Variants in AGBL1 observed in about 807,000 individuals in gnomAD.
The protein encoded by AGBL1 is AGBL carboxypeptidase 1.
In AGBL1, 130 loss-of-function variants were observed where a neutral mutation model predicts 118.9. The ratio of observed to expected loss-of-function variants is 1.09; its 90% CI spans 0.95 to 1.26. The LOEUF is 1.26. AGBL1 is among the 50% of genes most tolerant of loss of function. AGBL1 has a pLI of 0.00. For missense variants in AGBL1, 1,584 were observed against 1,298.1 expected (o/e 1.22, Z -3.38); for synonymous variants, 555 against 478.9 (o/e 1.16, Z -2.08).
chr15:86,648,404 C>G lies in AGBL1; in HGVS notation c.2995-25869C>G, dbSNP rs1034399983. Among the ~76,000 whole-genome samples the G allele has an allele frequency of 2.0e-5, 3 of 152,216 alleles. No individual in the cohort carries two copies. The East Asian group carries it at 5.8e-4, about 29-fold the overall frequency. ...TAGAGGTGGTGGGTGGGAGAAAAAT[C>G]AAGAATAATGGAGTGCTCTCAGGTT... On this transcript the variant is annotated intron_variant, in intron 21 of 22. Transcript: ENST00000614907.
intron 7 of AGBL1, among the ~76,000 whole-genome samples, chr15:86,255,361 T>G (rs1039807282): frequency 6.6e-6 from 1 of 152,246 alleles, no homozygotes; most frequent in Non-Finnish European, 1.5e-5. Context: ...TAATTCATTT[T>G]CCACCAAGAG....
rs373358563 is a variant in AGBL1 at position 86,711,341 on chromosome 15, T to G, written c.3158+36905T>G. On this transcript the variant is annotated intron_variant, in intron 22 of 22. Transcript: ENST00000614907. Reference sequence around the variant, plus strand: ...TGAAAGCCTTTTGGTAAATGAGTTCTGCAGTACTTTGAACCTCTCTGTGGC... The same window carrying G: ...TGAAAGCCTTTTGGTAAATGAGTTCGGCAGTACTTTGAACCTCTCTGTGGC... Among the ~76,000 whole-genome samples, 11 of 152,344 alleles carry G rather than the reference T, an allele frequency of 7.2e-5. No homozygotes were observed. The East Asian group carries it at 2.1e-3, about 29-fold the overall frequency.
intron 21 of AGBL1, among the ~76,000 whole-genome samples, chr15:86,626,644 A>T (rs2084890739): frequency 6.6e-6 from 1 of 152,152 alleles, no homozygotes. Context: ...CATACCCCTG[A>T]ACTTAAAACT....
rs538425006 is a variant in AGBL1, at chr15:86,843,533, G to C, written c.3159-63554G>C. Among the ~76,000 whole-genome samples the C allele has an allele frequency of 3.3e-5, 5 of 152,000 alleles. No individual in the cohort carries two copies. In the East Asian group the frequency reaches 9.7e-4, roughly 29 times the overall value. On this transcript the variant is annotated intron_variant, in intron 22 of 22. Coordinates refer to ENST00000614907, the MANE Select transcript of AGBL1 (RefSeq NM_001386094.1). ...AGACCCCGTTTTTTTTTGTTTGTAT[G>C]TTTGGTCCTTTTTATGAAGTTATCC...
At chr15:86,936,307 G>GA (rs909728253) in intron 23 of AGBL1, among the ~76,000 whole-genome samples, 9 of 151,500 alleles carry the variant, frequency 5.9e-5, no homozygotes, top group East Asian at 3.9e-4. Flanking sequence ...AGATAAACAA[G>GA]AAAAAAAACA....
intron 7 of AGBL1, among the ~76,000 whole-genome samples, chr15:86,249,793 G>A (rs1438793386): frequency 6.6e-6 from 1 of 152,192 alleles, no homozygotes; most frequent in Admixed American, 6.5e-5. Flanking sequence ...GACCAATAAA[G>A]GAAGAAGACA....
chr15:87,029,732 C>CT (rs1237438674), downstream of AGBL1, among the ~76,000 whole-genome samples: 1 of 151,728 alleles, frequency 6.6e-6, no homozygotes, highest in Non-Finnish European at 1.5e-5. Context: ...AGAATATAAT[C>CT]TTTTCCTTCA....
intron 1 of AGBL1, among the ~76,000 whole-genome samples, chr15:86,090,526 T>C (rs1895952538): frequency 6.6e-6 from 1 of 152,170 alleles, no homozygotes; most frequent in African/African-American, 2.4e-5. Flanking sequence ...CATACCAATG[T>C]ACTTGAACAT....
At chr15:87,011,515 C>T (rs181163051) in intron 24 of AGBL1, among the ~76,000 whole-genome samples, 3 of 152,336 alleles carry the variant, frequency 2.0e-5, no homozygotes, top group Admixed American at 1.3e-4. Flanking sequence ...TTCTGTATGT[C>T]ACCAAAATAT....
intron 22 of AGBL1, among the ~76,000 whole-genome samples, chr15:86,896,893 A>G (rs1241335595): frequency 7.9e-5 from 12 of 152,170 alleles, no homozygotes; most frequent in Non-Finnish European, 5.9e-5. Flanking sequence ...GATCTTCACT[A>G]TATCAATCTT....
intron 22 of AGBL1, among the ~76,000 whole-genome samples, chr15:86,686,902 C>A (rs2086067767): frequency 2.6e-5 from 4 of 152,094 alleles, no homozygotes; most frequent in Non-Finnish European, 5.9e-5. Flanking sequence ...TTGCCTAAGC[C>A]CACACAGCTA....
intron 10 of AGBL1, 136 bp downstream of exon 10, chr15:86,263,030 GA>G: frequency 7.4e-6 from 5 of 677,138 alleles, no homozygotes; most frequent in Non-Finnish European, 1.3e-5. Context: ...CTTCCTTAGA[GA>G]AAAGCAGAAT....
intron 22 of AGBL1, among the ~76,000 whole-genome samples, chr15:86,849,412 C>T (rs1303956471): frequency 6.6e-6 from 1 of 151,898 alleles, no homozygotes; most frequent in Admixed American, 6.6e-5. Flanking sequence ...CAGCATGGGG[C>T]TAAATAATTC....
intron 22 of AGBL1, among the ~76,000 whole-genome samples, chr15:86,865,292 G>A (rs187976047): frequency 1.4e-4 from 22 of 152,322 alleles, no homozygotes; most frequent in Admixed American, 2.6e-4. Context: ...AAAAATCAAA[G>A]AGGTTATTTG....
At position 86,503,947 on chromosome 15, in the gene AGBL1, A is replaced by T. The variant is rs1010185067; in HGVS notation, c.2556-18863A>T. Among the ~76,000 whole-genome samples, 11 of 151,514 alleles carry T rather than the reference A, an allele frequency of 7.3e-5. No homozygotes were observed. The South Asian group carries it at 8.3e-4, about 11-fold the overall frequency. The stretch of plus-strand genomic sequence containing the variant: ...AGATGTCTGTTAATCTACTTGTTTC[A>T]TATTGTTATGCAAATCTTATGTTGC... On this transcript the variant is annotated intron_variant, in intron 18 of 22. Transcript: ENST00000614907.
chr15:86,745,603 A>G (rs2077744699), intron 22 of AGBL1, among the ~76,000 whole-genome samples: 1 of 151,984 alleles, frequency 6.6e-6, no homozygotes, highest in African/African-American at 2.4e-5. Flanking sequence ...TTCAAATACT[A>G]CGTGGTGCAT....
chr15:86,434,134 AG>A (rs2081972679), intron 18 of AGBL1, among the ~76,000 whole-genome samples: 1 of 152,240 alleles, frequency 6.6e-6, no homozygotes, highest in African/African-American at 2.4e-5. Flanking sequence ...AATTGAGTCT[AG>A]GTAGTTCTCT....
At chr15:87,025,796 G>A (rs2081720889) in intron 24 of AGBL1, among the ~76,000 whole-genome samples, 1 of 151,946 alleles carries the variant, frequency 6.6e-6, no homozygotes, top group South Asian at 2.1e-4. Context: ...CATGGTACTG[G>A]TATAAGAATA....
At chr15:86,794,225 A>C (rs1243607123) in intron 22 of AGBL1, among the ~76,000 whole-genome samples, 6 of 152,372 alleles carry the variant, frequency 3.9e-5, no homozygotes, top group African/African-American at 1.4e-4. Context: ...TGAATGGATA[A>C]ATAAAAAGTG....
Sources: gnomAD v4.1 joint callset for allele counts (sites outside exome capture counted in the v4.1 genomes callset) on GRCh38, gnomAD v4.1.1 for gene constraint, MANE v1.5 for transcripts, NCBI Gene and HGNC (gene_info 2026-07-23, HGNC 2026-07-21) for gene names.